The following GABRB1 variants were observed in gnomAD, a reference collection of about 807,000 sequenced individuals.
GABRB1 encodes gamma-aminobutyric acid type A receptor subunit beta1, also known as gamma-aminobutyric acid receptor subunit beta-1.
In GABRB1, 17 loss-of-function variants were observed where a neutral mutation model predicts 51.6. That is an observed-to-expected ratio of 0.33 (90% CI 0.23 to 0.49). The LOEUF (loss-of-function observed/expected upper bound fraction) is 0.49. Ranked by LOEUF, GABRB1 falls within the 20% of genes least tolerant of loss-of-function variation. The pLI is 0.99. For missense variants in GABRB1, 410 were observed against 600.6 expected (o/e 0.68, Z 3.32); for synonymous variants, 247 against 218.9 (o/e 1.13, Z -1.14).
intron 4 of GABRB1, among the ~76,000 whole-genome samples, chr4:47,201,840 C>T (rs1220478698): frequency 6.6e-6 from 1 of 152,146 alleles, no homozygotes; most frequent in Non-Finnish European, 1.5e-5. Flanking sequence ...AATAAGATGT[C>T]TGTCCCGTCT....
Position 47,070,492 on chromosome 4 carries a change from C to T in GABRB1, c.240+38008C>T, listed in dbSNP as rs545411435. On this transcript the variant is annotated intron_variant, in intron 3 of 8. Transcript: ENST00000295454. ...GATTACAGGCGCCAGCTACCATGCC[C>T]GGCTAGTTTTTGTATTTTTAGTACA... is the stretch of plus-strand genomic sequence containing the variant. 2.6e-5 allele frequency among the ~76,000 whole-genome samples: 4 copies of T among 152,090 alleles called. No individual in the cohort carries two copies. The South Asian group carries it at 6.2e-4, about 24-fold the overall frequency.
intron 4 of GABRB1, among the ~76,000 whole-genome samples, chr4:47,290,740 A>G (rs1051182353): frequency 3.9e-5 from 6 of 152,282 alleles, no homozygotes; most frequent in Admixed American, 1.3e-4. Context: ...TACTGGCGGC[A>G]TTTTGCCCCT....
intron 8 of GABRB1, among the ~76,000 whole-genome samples, chr4:47,407,733 C>T (rs894644000): frequency 2.6e-5 from 4 of 152,144 alleles, no homozygotes; most frequent in Admixed American, 1.3e-4. Context: ...CCTCATGGAG[C>T]TTAGGTTCTA....
intron 5 of GABRB1, among the ~76,000 whole-genome samples, chr4:47,321,038 CTATCT>C (rs1199453648): frequency 1.3e-5 from 2 of 152,098 alleles, no homozygotes; most frequent in East Asian, 3.8e-4. Flanking sequence ...GTCTGATTGA[CTATCT>C]TTTTGTGATT....
intron 3 of GABRB1, among the ~76,000 whole-genome samples, chr4:47,086,148 G>T (rs191132496): frequency 8.7e-4 from 133 of 152,292 alleles, no homozygotes; most frequent in Admixed American, 1.5e-3. Flanking sequence ...AAGAGGGAGA[G>T]TTCTTTTAAT....
At chr4:47,294,464 G>A (rs111832549) in intron 4 of GABRB1, among the ~76,000 whole-genome samples, 4,409 of 152,330 alleles carry the variant, frequency 0.029, 78 homozygotes, top group African/African-American at 0.051. Flanking sequence ...TAACCCGCAC[G>A]TGGCTCGGAG....
intron 3 of GABRB1, among the ~76,000 whole-genome samples, chr4:47,104,243 T>C (rs1004854709): frequency 4.0e-5 from 6 of 151,748 alleles, no homozygotes; most frequent in African/African-American, 1.4e-4. Flanking sequence ...TTGCATGGTT[T>C]CTAATAAAAA....
chr4:47,301,353 A>G (rs1724251803), intron 4 of GABRB1, among the ~76,000 whole-genome samples: 2 of 152,194 alleles, frequency 1.3e-5, no homozygotes, highest in African/African-American at 4.8e-5. Flanking sequence ...AGATTTTAAT[A>G]AGACTGGACA....
chr4:47,072,196 A>T (rs1727367765), intron 3 of GABRB1, among the ~76,000 whole-genome samples: 1 of 152,170 alleles, frequency 6.6e-6, no homozygotes, highest in African/African-American at 2.4e-5. Context: ...ATATTTATTC[A>T]ATCAAGATTA....
At chr4:47,184,901 GC>G (rs946346891) in intron 4 of GABRB1, among the ~76,000 whole-genome samples, 1 of 151,768 alleles carries the variant, frequency 6.6e-6, no homozygotes, top group African/African-American at 2.4e-5. Context: ...CAGAGTAGCT[GC>G]AAAACAGGTC....
At chr4:47,156,311 T>C in intron 3 of GABRB1, among the ~76,000 whole-genome samples, 1 of 152,068 alleles carries the variant, frequency 6.6e-6, no homozygotes, top group East Asian at 1.9e-4. Flanking sequence ...TTTTCTCTGA[T>C]GATTAGTGAT....
chr4:47,014,625 G>A (rs776633944), intron 1 of GABRB1, among the ~76,000 whole-genome samples: 2 of 152,040 alleles, frequency 1.3e-5, no homozygotes, highest in Non-Finnish European at 2.9e-5. Flanking sequence ...TATTTACCTC[G>A]AAATAGCATC....
chr4:47,045,715 A>C (rs980052935), intron 3 of GABRB1, among the ~76,000 whole-genome samples: 4 of 151,992 alleles, frequency 2.6e-5, no homozygotes, highest in African/African-American at 9.7e-5. Context: ...GGGCTCATTT[A>C]TGAGGGTTTT....
chr4:47,125,555 A>ATTTTTTTTTTTTTTTTTTTTTTTT (rs570181191), intron 3 of GABRB1, among the ~76,000 whole-genome samples: 3 of 21,016 alleles, frequency 1.4e-4, no homozygotes, highest in Non-Finnish European at 3.1e-4. Flanking sequence ...ACAAAGTATA[A>ATTTTTTTTTTTTTTTTTTTTTTTT]TTTCTTTTTT....
At chr4:47,325,830 C>T (rs1578095840) in intron 5 of GABRB1, among the ~76,000 whole-genome samples, 2 of 152,108 alleles carry the variant, frequency 1.3e-5, no homozygotes, top group Non-Finnish European at 2.9e-5. Context: ...TTTTAGTTTC[C>T]CATTGCTATT....
chr4:47,339,131 A>G (rs144061606), intron 5 of GABRB1, among the ~76,000 whole-genome samples: 11 of 152,322 alleles, frequency 7.2e-5, no homozygotes, highest in African/African-American at 2.6e-4. Context: ...ATAGGGAAGT[A>G]TAAAATAATC....
rs113695435 is a variant in GABRB1, at chr4:47,265,250, G to C, written c.462-54877G>C. 7.8e-4 allele frequency among the ~76,000 whole-genome samples: 118 copies of C among 152,132 alleles called. 3 individuals carry two copies. The highest frequency in any genetic ancestry group is 2.6e-3 in the African/African-American group (106 of 41,520). ...ATTTCCCTAAAGATTATAGCCTCCAGTTCCAGCCATATTGCTGAAAGACAT... is the reference window on the plus strand; with the variant it reads ...ATTTCCCTAAAGATTATAGCCTCCACTTCCAGCCATATTGCTGAAAGACAT... On this transcript the variant is annotated intron_variant, in intron 4 of 8. Transcript: ENST00000295454.
intron 1 of GABRB1, among the ~76,000 whole-genome samples, chr4:46,994,982 C>T (rs1441194415): frequency 6.6e-6 from 1 of 152,162 alleles, no homozygotes; most frequent in Non-Finnish European, 1.5e-5. Context: ...TGGGCAGTAG[C>T]TAGAGCTCCG....
At chr4:47,291,497 C>G (rs1366909403) in intron 4 of GABRB1, among the ~76,000 whole-genome samples, 1 of 152,156 alleles carries the variant, frequency 6.6e-6, no homozygotes, top group Non-Finnish European at 1.5e-5. Context: ...GGCCACTGTC[C>G]TCCAGGTCCC....
Sources: gnomAD v4.1 joint callset for allele counts (sites outside exome capture counted in the v4.1 genomes callset) on GRCh38, gnomAD v4.1.1 for gene constraint, MANE v1.5 for transcripts, NCBI Gene and HGNC (gene_info 2026-07-23, HGNC 2026-07-21) for gene names.